The following TRIM68 variants were observed in gnomAD, a reference collection of about 807,000 sequenced individuals.
TRIM68 encodes E3 ubiquitin-protein ligase TRIM68.
In TRIM68, 36 loss-of-function variants were observed where a neutral mutation model predicts 41.9. That is an observed-to-expected ratio of 0.86 (90% CI 0.66 to 1.14). The LOEUF (loss-of-function observed/expected upper bound fraction) is 1.14, where lower values mean the gene tolerates loss of function less well. TRIM68 is among the 50% of genes most tolerant of loss of function. TRIM68 has a pLI of 0.00. For missense variants in TRIM68, 632 were observed against 605.1 expected, an observed-to-expected ratio of 1.04 and a Z score of -0.47; for synonymous variants, 225 against 224.6, an observed-to-expected ratio of 1.00 and a Z score of -0.02.
At chr11:4,600,881 G>C in intron 6 of TRIM68, 55 bp from the exon 7 acceptor site, 1 of 1,581,072 alleles carries the variant, frequency 6.3e-7, no homozygotes, top group Non-Finnish European at 8.6e-7. Context: ...GGACATGGGT[G>C]AGAGCCCTCT....
Position 4,600,159 on chromosome 11 carries a change from A to G in TRIM68, c.*117T>C. On this transcript the variant is annotated 3_prime_UTR_variant, in exon 7 of 7. Transcript: ENST00000300747. ...AAAGACCAAAGGATCAGACAGAGGA[A>G]TCCTTGGATACTGGGCTCAGCTCAG... is the stretch of plus-strand genomic sequence containing the variant. 5 of 1,051,384 alleles carry G rather than the reference A, an allele frequency of 4.8e-6. No homozygotes were observed. The South Asian group carries it at 7.5e-5, about 16-fold the overall frequency. The allele number at this position is 1,051,384 out of a possible 1,614,324, so 65.1% of individuals were successfully genotyped here. A position where few individuals can be genotyped will look rare whatever the true frequency, so the allele number is the denominator to read the frequency against.
In TRIM68 at chr11:4,598,729, A is replaced by T. The variant is rs1313771485; in HGVS notation, c.*1547T>A. On this transcript the variant is annotated 3_prime_UTR_variant, in exon 7 of 7. Coordinates refer to ENST00000300747, the MANE Select transcript of TRIM68 (RefSeq NM_018073.8). Reference sequence around the variant, plus strand: ...TTGGCCTATTTTAACTCCTACATACATGAACAGCCAATACAATTAAAGTAG... The same window carrying T: ...TTGGCCTATTTTAACTCCTACATACTTGAACAGCCAATACAATTAAAGTAG... 1 of 152,228 alleles carries T rather than the reference A, an allele frequency of 6.6e-6. No homozygotes were observed. Among genetic ancestry groups the T allele is most frequent in the Non-Finnish European group, 1.5e-5 (1 of 68,048 alleles). The allele number at this position is 152,228 out of a possible 1,614,324, so 9.4% of individuals were successfully genotyped here. A position where few individuals can be genotyped will look rare whatever the true frequency, so the allele number is the denominator to read the frequency against.
intron 2 of TRIM68, 84 bp downstream of exon 2, chr11:4,604,995 T>C (rs1278552349): frequency 1.6e-5 from 23 of 1,467,268 alleles, no homozygotes; most frequent in Non-Finnish European, 2.0e-5. Context: ...TCTCAGTCTG[T>C]GGTGCTGGTG....
Position 4,601,696 on chromosome 11 carries a change from G to GA in TRIM68, c.784-11dup, listed in dbSNP as rs552653779. 1.8e-3 allele frequency: 2,900 copies of GA among 1,599,836 alleles called. 14 individuals are homozygous for GA. Among genetic ancestry groups the GA allele is most frequent in the East Asian group, 0.014 (637 of 44,380 alleles). On this transcript the variant is annotated splice_polypyrimidine_tract_variant and intron_variant, in intron 4 of 6. Coordinates refer to ENST00000300747, the MANE Select transcript of TRIM68 (RefSeq NM_018073.8). ...ACACTTCCTGAATATCCTGGAAGGA[G>GA]AAAAAAAAATGCAGCATCTGAGTAA...
In TRIM68 at chr11:4,601,658, A is replaced by G. The variant is rs747541039; in HGVS notation, c.806+6T>C. ...CTGCTTAGAGGCTCCAAGGGTGAGA[A>G]CATACCTGTTTAACACTTCCTGAAT... On this transcript the variant is annotated splice_donor_region_variant and intron_variant, in intron 5 of 6. Transcript: ENST00000300747. 6.2e-7 allele frequency: 1 copy of G among 1,614,130 alleles called. No individual in the cohort carries two copies. The highest frequency in any genetic ancestry group is 1.1e-5 in the South Asian group (1 of 91,092).
Position 4,600,124 on chromosome 11 carries a change from G to T in TRIM68, c.*152C>A. On this transcript the variant is annotated 3_prime_UTR_variant, in exon 7 of 7. Coordinates refer to ENST00000300747, the MANE Select transcript of TRIM68 (RefSeq NM_018073.8). ...ATAAGTGGTTTCATGACAGACTTCAGCCTGGTAGCAAAGACCAAAGGATCA... is the reference window on the plus strand; with the variant it reads ...ATAAGTGGTTTCATGACAGACTTCATCCTGGTAGCAAAGACCAAAGGATCA... The T allele has an allele frequency of 4.0e-6, 3 of 755,674 alleles. No individual in the cohort carries two copies. The highest frequency in any genetic ancestry group is 6.2e-6 in the Non-Finnish European group (3 of 486,904). 46.8% of individuals were successfully genotyped at this position (755,674 alleles called of 1,614,324 possible).
chr11:4,601,529 A>C (rs1846489324), intron 5 of TRIM68, 135 bp downstream of exon 5: 1 of 852,914 alleles, frequency 1.2e-6, no homozygotes, highest in Admixed American at 2.1e-5. Context: ...ATTACCATGT[A>C]AGTGGGACGA....
chr11:4,600,195 T>C lies in TRIM68; in HGVS notation c.*81A>G, dbSNP rs2133196376. 1 of 1,390,032 alleles carries C rather than the reference T, an allele frequency of 7.2e-7. No individual in the cohort carries two copies. The highest frequency in any genetic ancestry group is 9.7e-7 in the Non-Finnish European group (1 of 1,026,574). The allele number at this position is 1,390,032 out of a possible 1,614,324, so 86.1% of individuals were successfully genotyped here. Reference sequence around the variant, plus strand: ...CTGGGCTCAGCTCAGTTTCAGGGGATACCTGTCAGTGGCTCGGTCCTCCAA... The same window carrying C: ...CTGGGCTCAGCTCAGTTTCAGGGGACACCTGTCAGTGGCTCGGTCCTCCAA... On this transcript the variant is annotated 3_prime_UTR_variant, in exon 7 of 7. Coordinates refer to ENST00000300747, the MANE Select transcript of TRIM68 (RefSeq NM_018073.8).
chr11:4,601,440 A>T, intron 5 of TRIM68: 1 of 598,116 alleles, frequency 1.7e-6, no homozygotes, highest in Non-Finnish European at 3.0e-6. Flanking sequence ...TTGAAACCAC[A>T]TATTTTACAG....
chr11:4,603,477 A>G (rs1846524188), intron 2 of TRIM68, 137 bp from the exon 3 acceptor site: 1 of 707,674 alleles, frequency 1.4e-6, no homozygotes. Context: ...CCACAGAGGA[A>G]GCAGACTCTG....
At chr11:4,601,209 TGGCCAGGGACATA>T (rs1846485100) in intron 5 of TRIM68, 82 bp from the exon 6 acceptor site, 1 of 1,074,118 alleles carries the variant, frequency 9.3e-7, no homozygotes, top group Admixed American at 1.7e-5. Flanking sequence ...AAGAGGGGCT[TGGCCAGGGACATA>T]GTGAACCCCA....
chr11:4,602,016 G>T, intron 4 of TRIM68, 136 bp downstream of exon 4: 1 of 1,304,312 alleles, frequency 7.7e-7, no homozygotes, highest in Non-Finnish European at 1.1e-6. Context: ...GCAGGTATTA[G>T]CTGGGGAAAC....
chr11:4,602,525 T>C (rs1846509775), intron 3 of TRIM68, 113 bp from the exon 4 acceptor site: 11 of 1,373,964 alleles, frequency 8.0e-6, no homozygotes, highest in Non-Finnish European at 9.9e-6. Context: ...TGACAGGCTA[T>C]GCAGGGGCAA....
chr11:4,607,223 A>G (rs1461320662), intron 1 of TRIM68, among the ~76,000 whole-genome samples: 1 of 152,148 alleles, frequency 6.6e-6, no homozygotes, highest in East Asian at 1.9e-4. Context: ...GTATTCGTCT[A>G]TTGTCTTACT....
intron 4 of TRIM68, 113 bp downstream of exon 4, chr11:4,602,039 A>T (rs1846497601): frequency 6.8e-7 from 1 of 1,469,410 alleles, no homozygotes. Flanking sequence ...AGGATCCATG[A>T]CCAGCTGGCA....
chr11:4,601,544 G>T, intron 5 of TRIM68, 120 bp downstream of exon 5: 1 of 1,054,650 alleles, frequency 9.5e-7, no homozygotes, highest in Non-Finnish European at 1.5e-6. Context: ...GGACGAGACT[G>T]TGGACCAGCA....
chr11:4,604,722 G>A (rs1846542585), intron 2 of TRIM68, among the ~76,000 whole-genome samples: 1 of 152,238 alleles, frequency 6.6e-6, no homozygotes, highest in Non-Finnish European at 1.5e-5. Flanking sequence ...TTGCAGGTCA[G>A]GTGTAGCCTT....
intron 4 of TRIM68, 161 bp from the exon 5 acceptor site, chr11:4,601,847 G>T: frequency 2.2e-6 from 2 of 908,078 alleles, no homozygotes; most frequent in Non-Finnish European, 3.4e-6. Context: ...GGATGGAAGA[G>T]CAGGCTGAGC....
chr11:4,607,865 C>T (rs745375487), intron 1 of TRIM68, among the ~76,000 whole-genome samples, 162 bp downstream of exon 1: 1 of 152,126 alleles, frequency 6.6e-6, no homozygotes, highest in Non-Finnish European at 1.5e-5. Context: ...AGTTAGGACC[C>T]CAGCGGGAAG....
Sources: allele counts gnomAD v4.1 joint callset (sites outside exome capture counted in the v4.1 genomes callset), GRCh38; gene constraint gnomAD v4.1.1; transcripts MANE v1.5; gene names NCBI Gene and HGNC (gene_info 2026-07-23, HGNC 2026-07-21).